ANKRD17: variants seen among roughly 807,000 people sequenced by gnomAD.
The protein encoded by ANKRD17 is ankyrin repeat domain 17, also known as ankyrin repeat domain-containing protein 17.
A neutral mutation model predicts 229.7 loss-of-function variants in ANKRD17; 19 were observed. That is an observed-to-expected ratio of 0.08 (90% CI 0.06 to 0.12). ANKRD17 has a LOEUF of 0.12. Among genes scored for constraint, ANKRD17 ranks in the 10% least tolerant of loss-of-function variants. The pLI is 1.00. For missense variants in ANKRD17, 2,176 were observed against 3,176.8 expected, an observed-to-expected ratio of 0.68 and a Z score of 7.57; for synonymous variants, 1,112 against 1,146.1, an observed-to-expected ratio of 0.97 and a Z score of 0.60.
chr4:73,218,300 C>A (rs1378705722), intron 1 of ANKRD17, among the ~76,000 whole-genome samples: 1 of 152,120 alleles, frequency 6.6e-6, no homozygotes, highest in Non-Finnish European at 1.5e-5. Context: ...AAGTAAAATA[C>A]TAGTATTAAA....
intron 1 of ANKRD17, chr4:73,223,214 T>C (rs975167353): frequency 5.4e-5 from 26 of 482,380 alleles, no homozygotes; most frequent in Admixed American, 1.6e-4. Context: ...TTTTTAAAGA[T>C]ACAGAAGCTC....
intron 3 of ANKRD17, among the ~76,000 whole-genome samples, chr4:73,160,307 C>T (rs1231676174): frequency 5.3e-5 from 8 of 149,634 alleles, no homozygotes; most frequent in African/African-American, 2.0e-4. Flanking sequence ...CAACCTCTGC[C>T]TCCCAGGTTC....
chr4:73,139,273 C>T (rs1729310674), intron 15 of ANKRD17, among the ~76,000 whole-genome samples: 1 of 152,104 alleles, frequency 6.6e-6, no homozygotes, highest in Non-Finnish European at 1.5e-5. Flanking sequence ...CAAACATCAA[C>T]CCCACTACTG....
At chr4:73,147,010 G>A in intron 9 of ANKRD17, 137 bp from the exon 10 acceptor site, 1 of 811,598 alleles carries the variant, frequency 1.2e-6, no homozygotes, top group Non-Finnish European at 1.9e-6. Context: ...TCCAGAAACA[G>A]AGAATATTGT....
chr4:73,110,550 GTA>G (rs919944874), intron 24 of ANKRD17, among the ~76,000 whole-genome samples: 3 of 152,160 alleles, frequency 2.0e-5, no homozygotes, highest in Non-Finnish European at 4.4e-5. Context: ...AATAACTTAC[GTA>G]TGGAGAATCT....
intron 24 of ANKRD17, chr4:73,112,523 A>G (rs1264685261): frequency 3.0e-6 from 1 of 333,940 alleles, no homozygotes; most frequent in Non-Finnish European, 4.3e-6. Flanking sequence ...CAGAATATAA[A>G]CCACAAATTT....
chr4:73,155,555 A>T, intron 5 of ANKRD17, 76 bp downstream of exon 5: 1 of 1,555,624 alleles, frequency 6.4e-7, no homozygotes. Flanking sequence ...TTAGCACTAA[A>T]CATCACTTTC....
chr4:73,205,181 C>A (rs999909645), intron 1 of ANKRD17, among the ~76,000 whole-genome samples: 1 of 151,986 alleles, frequency 6.6e-6, no homozygotes, highest in African/African-American at 2.4e-5. Flanking sequence ...TAAAATTTAG[C>A]CAAGTGTGGT....
At chr4:73,146,702 C>G in intron 10 of ANKRD17, 62 bp downstream of exon 10, 1 of 1,219,304 alleles carries the variant, frequency 8.2e-7, no homozygotes, top group Admixed American at 2.1e-5. Flanking sequence ...TCTAGACTCT[C>G]CATAATTTAA....
chr4:73,170,360 A>T (rs1578259953), intron 2 of ANKRD17, among the ~76,000 whole-genome samples: 1 of 151,284 alleles, frequency 6.6e-6, no homozygotes, highest in Non-Finnish European at 1.5e-5. Context: ...AAAAGAACCC[A>T]CCCCTGGAAG....
intron 5 of ANKRD17, 64 bp downstream of exon 5, chr4:73,155,567 T>TCC: frequency 6.3e-7 from 1 of 1,584,452 alleles, no homozygotes; most frequent in East Asian, 2.2e-5. Context: ...ATCACTTTCA[T>TCC]GCAAAATCAT....
At chr4:73,141,335 C>A (rs373063891) in intron 14 of ANKRD17, among the ~76,000 whole-genome samples, 32 of 152,272 alleles carry the variant, frequency 2.1e-4, no homozygotes, top group African/African-American at 7.7e-4. Context: ...GATATAAAAT[C>A]TATATTAAGC....
At chr4:73,099,663 C>A (rs920700497) in intron 25 of ANKRD17, among the ~76,000 whole-genome samples, 1 of 152,192 alleles carries the variant, frequency 6.6e-6, no homozygotes, top group Non-Finnish European at 1.5e-5. Flanking sequence ...GGGGTGCTGG[C>A]GCCAGGATTC....
At position 73,076,295 on chromosome 4, in the gene ANKRD17, G is replaced by A. The variant is rs1464302397; in HGVS notation, c.7753-5C>T. 1 of 1,585,922 alleles carries A rather than the reference G, an allele frequency of 6.3e-7. No homozygotes were observed. Among genetic ancestry groups the A allele is most frequent in the Non-Finnish European group, 8.6e-7 (1 of 1,167,698 alleles). ...TGCCCAGGGTCCAGTCCACACCTAT[G>A]AATATAGAGCATGCATTTTACAAAA... is the stretch of plus-strand genomic sequence containing the variant. On this transcript the variant is annotated splice_polypyrimidine_tract_variant and splice_region_variant and intron_variant, in intron 33 of 33. Transcript: ENST00000358602.
Position 73,076,335 on chromosome 4 carries a change from A to G in ANKRD17, c.7753-45T>C, listed in dbSNP as rs1720998877. ...ATTTTACAAAATATATATCTAGCAT[A>G]TATTTTATTAAAATAAAACTTTTAA... On this transcript the variant is annotated intron_variant, in intron 33 of 33. Transcript: ENST00000358602. 4.3e-6 allele frequency: 6 copies of G among 1,410,586 alleles called. No homozygotes were observed. The East Asian group carries it at 1.3e-4, about 32-fold the overall frequency. 87.4% of individuals were successfully genotyped at this position (1,410,586 alleles called of 1,614,324 possible).
At chr4:73,158,189 AG>A (rs1487812034) in intron 3 of ANKRD17, among the ~76,000 whole-genome samples, 4 of 42,608 alleles carry the variant, frequency 9.4e-5, no homozygotes, top group Admixed American at 2.2e-4. Flanking sequence ...AGAAAGAAAG[AG>A]AGAGAAAGAA....
At position 73,161,279 on chromosome 4, in the gene ANKRD17, G is replaced by A. The variant is rs1355632383; in HGVS notation, c.617C>T (p.Ser206Leu). Reference protein sequence around the residue: ...ADPEVLRRLTSSVSCALDEAA... With the variant: ...ADPEVLRRLTLSVSCALDEAA... ...TTCATCCAACGCACAACTAACAGAC[G>A]ATGTCAACCTCCGAAGTACTTCAGG... Residue 206 changes from serine (S) to leucine (L), a missense_variant, in exon 3 of 34, where the codon TCG (serine) becomes TTG (leucine). Physicochemically the swap from Ser to Leu is moderately radical, Grantham distance 145. Coordinates refer to ENST00000358602, the MANE Select transcript of ANKRD17 (RefSeq NM_032217.5). 2 of 1,614,192 alleles carry A rather than the reference G, an allele frequency of 1.2e-6. No individual in the cohort carries two copies. Among genetic ancestry groups the A allele is most frequent in the South Asian group, 1.1e-5 (1 of 91,086 alleles).
intron 1 of ANKRD17, among the ~76,000 whole-genome samples, chr4:73,216,956 T>C (rs570263508): frequency 3.3e-5 from 5 of 152,348 alleles, no homozygotes; most frequent in East Asian, 1.9e-4. Context: ...ACCAAACCAA[T>C]GGTTAACAAG....
intron 3 of ANKRD17, among the ~76,000 whole-genome samples, chr4:73,157,726 C>T (rs1731849635): frequency 6.6e-6 from 1 of 152,150 alleles, no homozygotes; most frequent in Non-Finnish European, 1.5e-5. Flanking sequence ...AGTCTCCTTG[C>T]CTTCACACTA....
Sources: allele counts gnomAD v4.1 joint callset (sites outside exome capture counted in the v4.1 genomes callset), GRCh38; gene constraint gnomAD v4.1.1; transcripts MANE v1.5; gene names NCBI Gene and HGNC (gene_info 2026-07-23, HGNC 2026-07-21).